The following ANOS1 variants were observed in gnomAD, a reference collection of about 807,000 sequenced individuals.
ANOS1 encodes the protein anosmin 1.
Under a neutral mutation model 59.0 loss-of-function variants are expected in ANOS1, and 6 were observed. The ratio of observed to expected loss-of-function variants is 0.10; its 90% confidence interval spans 0.06 to 0.20. ANOS1 has a LOEUF of 0.20. ANOS1 is among the 10% of genes least tolerant of loss of function. ANOS1 has a pLI of 1.00. For missense variants in ANOS1, 433 were observed against 542.3 expected (o/e 0.80, Z 2.00); for synonymous variants, 217 against 223.4 (o/e 0.97, Z 0.25).
Position 8,671,568 on chromosome X carries a change from C to T in ANOS1, c.255+28130G>A, listed in dbSNP as rs900358296. On this transcript the variant is annotated intron_variant, in intron 2 of 13. Coordinates refer to ENST00000262648, the MANE Select transcript of ANOS1 (RefSeq NM_000216.4). ...TCTATACATAATTTACATGATAATG[C>T]TGCATATTATGTGTATGAGTATATA... Among the ~76,000 whole-genome samples the T allele has an allele frequency of 3.8e-5, 4 of 105,734 alleles. No individual in the cohort carries two copies. The East Asian group carries it at 1.2e-3, about 31-fold the overall frequency. The allele number at this position is 105,734 out of a possible 115,157, so 91.8% of individuals were successfully genotyped here.
chrX:8,661,832 G>C (rs934014416), intron 2 of ANOS1, among the ~76,000 whole-genome samples: 2 of 111,106 alleles, frequency 1.8e-5, no homozygotes, highest in African/African-American at 6.6e-5. Context: ...GTTTCAACTA[G>C]CCCTTCTGCC....
intron 2 of ANOS1, among the ~76,000 whole-genome samples, chrX:8,678,607 G>A (rs922363575): frequency 9.0e-6 from 1 of 111,662 alleles, no homozygotes; most frequent in African/African-American, 3.3e-5. Flanking sequence ...TGGGAACCTT[G>A]TCCATTATTC....
intron 2 of ANOS1, among the ~76,000 whole-genome samples, chrX:8,690,002 G>A (rs146886037): frequency 0.023 from 2,540 of 111,380 alleles, 85 homozygotes; most frequent in African/African-American, 0.078. Context: ...ATTTCTTTTC[G>A]CATGCATTCT....
chrX:8,537,749 CGT>C (rs202035920), intron 10 of ANOS1, among the ~76,000 whole-genome samples: 2,304 of 94,463 alleles, frequency 0.024, 24 homozygotes, highest in South Asian at 0.036. Context: ...ATGGTTTTTA[CGT>C]GTGTGTGTGT....
intron 2 of ANOS1, among the ~76,000 whole-genome samples, chrX:8,627,777 C>T (rs949165894): frequency 6.5e-5 from 7 of 107,312 alleles, no homozygotes; most frequent in Non-Finnish European, 1.2e-4. Context: ...CGGGAGAAAA[C>T]GACAATGACA....
At chrX:8,541,627 C>G (rs1480590766) in intron 9 of ANOS1, among the ~76,000 whole-genome samples, 1 of 74,270 alleles carries the variant, frequency 1.3e-5, no homozygotes, top group Non-Finnish European at 2.7e-5. Flanking sequence ...ACAGAACTGG[C>G]GGGTGTGATG....
intron 2 of ANOS1, among the ~76,000 whole-genome samples, chrX:8,646,372 C>G (rs923025407): frequency 1.8e-5 from 2 of 110,925 alleles, no homozygotes; most frequent in African/African-American, 6.6e-5. Context: ...TAGCCGCCAC[C>G]TGTAGTAGGC....
intron 3 of ANOS1, among the ~76,000 whole-genome samples, chrX:8,621,719 A>G (rs1378765374): frequency 1.8e-5 from 2 of 111,915 alleles, no homozygotes; most frequent in Non-Finnish European, 3.8e-5. Flanking sequence ...ACACAGGTTA[A>G]TTGATTTAAC....
intron 2 of ANOS1, among the ~76,000 whole-genome samples, chrX:8,691,299 C>T (rs1381939200): frequency 2.7e-5 from 3 of 110,976 alleles, no homozygotes; most frequent in Non-Finnish European, 5.7e-5. Flanking sequence ...GTCTTGAACT[C>T]TTGACCTCGT....
At chrX:8,567,415 C>G (rs910233281) in intron 8 of ANOS1, among the ~76,000 whole-genome samples, 6 of 108,814 alleles carry the variant, frequency 5.5e-5, no homozygotes, top group African/African-American at 2.0e-4. Flanking sequence ...ACACATTATT[C>G]TCAGTACTAT....
intron 2 of ANOS1, among the ~76,000 whole-genome samples, chrX:8,690,132 A>C (rs1932584976): frequency 8.9e-6 from 1 of 112,445 alleles, no homozygotes; most frequent in Non-Finnish European, 1.9e-5. Context: ...ACATGATCTC[A>C]TGTAAGTAAA....
At chrX:8,652,150 G>A (rs764303314) in intron 2 of ANOS1, among the ~76,000 whole-genome samples, 1 of 110,489 alleles carries the variant, frequency 9.1e-6, no homozygotes, top group East Asian at 2.9e-4. Context: ...TTTTGTAGAG[G>A]TAGGGTCTTG....
At chrX:8,575,952 T>C (rs186121605) in intron 6 of ANOS1, among the ~76,000 whole-genome samples, 3 of 109,736 alleles carry the variant, frequency 2.7e-5, no homozygotes, top group Non-Finnish European at 5.7e-5. Flanking sequence ...GAAAAAAAAA[T>C]TTTAAATTAG....
intron 2 of ANOS1, among the ~76,000 whole-genome samples, chrX:8,659,451 C>T (rs1325633395): frequency 9.5e-6 from 1 of 105,552 alleles, no homozygotes; most frequent in Admixed American, 1.0e-4. Context: ...CCTTCCTTTC[C>T]TCCCTCCCTC....
chrX:8,706,409 T>G (rs751388473), intron 1 of ANOS1, among the ~76,000 whole-genome samples: 1 of 112,854 alleles, frequency 8.9e-6, no homozygotes, highest in African/African-American at 3.2e-5. Context: ...GCTGTGACCC[T>G]GAATGGACAA....
At chrX:8,541,631 T>G (rs1601947004) in intron 9 of ANOS1, among the ~76,000 whole-genome samples, 2 of 74,189 alleles carry the variant, frequency 2.7e-5, no homozygotes, top group Non-Finnish European at 5.4e-5. Context: ...AACTGGCGGG[T>G]GTGATGGAAA....
chrX:8,581,664 C>A (rs995546481), intron 6 of ANOS1, among the ~76,000 whole-genome samples: 50 of 111,937 alleles, frequency 4.5e-4, no homozygotes, highest in Non-Finnish European at 6.8e-4. Flanking sequence ...GGAGACTTAA[C>A]CAGTACACTA....
At chrX:8,594,686 A>G (rs1308494302) in intron 4 of ANOS1, among the ~76,000 whole-genome samples, 1 of 64,619 alleles carries the variant, frequency 1.5e-5, no homozygotes, top group Non-Finnish European at 2.7e-5. Context: ...ATATATATAT[A>G]TATATATATA....
At chrX:8,658,810 G>C (rs1470398826) in intron 2 of ANOS1, among the ~76,000 whole-genome samples, 2 of 111,903 alleles carry the variant, frequency 1.8e-5, no homozygotes, top group Non-Finnish European at 3.8e-5. Flanking sequence ...ATGGCAGGCT[G>C]GGCACAGTGG....
Sources: allele counts gnomAD v4.1 joint callset (sites outside exome capture counted in the v4.1 genomes callset), GRCh38; gene constraint gnomAD v4.1.1; transcripts MANE v1.5; gene names NCBI Gene and HGNC (gene_info 2026-07-23, HGNC 2026-07-21).